Variants in RAPGEF4 observed in about 807,000 individuals in gnomAD.
RAPGEF4 encodes the protein Rap guanine nucleotide exchange factor 4, also known as RAP guanine-nucleotide-exchange factor (GEF) 4.
In RAPGEF4, 66 loss-of-function variants were observed where a neutral mutation model predicts 147.9. The observed-to-expected ratio is 0.45, with a 90% confidence interval of 0.37 to 0.55. The LOEUF is 0.55. RAPGEF4 is among the 20% of genes least tolerant of loss of function. RAPGEF4 has a pLI of 0.00. For synonymous variants in RAPGEF4, 419 were observed against 442.7 expected, an observed-to-expected ratio of 0.95 and a Z score of 0.67; for missense variants, 1,071 against 1,257.3, an observed-to-expected ratio of 0.85 and a Z score of 2.24.
intron 1 of RAPGEF4, among the ~76,000 whole-genome samples, chr2:172,745,968 A>G (rs928771964): frequency 1.3e-5 from 2 of 152,222 alleles, no homozygotes; most frequent in African/African-American, 2.4e-5. Flanking sequence ...TATAATATAC[A>G]GTTTTCAGGT....
At chr2:172,917,955 C>T (rs1444449253) in intron 5 of RAPGEF4, 81 bp downstream of exon 5, 7 of 1,172,784 alleles carry the variant, frequency 6.0e-6, no homozygotes, top group East Asian at 4.7e-5. Context: ...ATATGTCCTA[C>T]ACCAGCTTGT....
At chr2:172,859,254 A>G (rs1193883127) in intron 4 of RAPGEF4, among the ~76,000 whole-genome samples, 3 of 152,230 alleles carry the variant, frequency 2.0e-5, no homozygotes, top group African/African-American at 4.8e-5. Flanking sequence ...AAATGAGAAA[A>G]TAAACCTAAT....
chr2:172,868,293 G>A (rs955827134), intron 4 of RAPGEF4, among the ~76,000 whole-genome samples: 3 of 152,168 alleles, frequency 2.0e-5, no homozygotes, highest in Non-Finnish European at 4.4e-5. Flanking sequence ...AAAGACCTTT[G>A]CTTCAAGGTT....
chr2:172,789,699 G>A (rs192542047), intron 1 of RAPGEF4, among the ~76,000 whole-genome samples: 202 of 152,258 alleles, frequency 1.3e-3, no homozygotes, highest in Middle Eastern at 0.01. Flanking sequence ...AACCTCATAA[G>A]TGGAAATATG....
intron 25 of RAPGEF4, among the ~76,000 whole-genome samples, chr2:173,029,797 G>A (rs781601637): frequency 5.3e-5 from 8 of 152,182 alleles, no homozygotes; most frequent in Non-Finnish European, 1.0e-4. Context: ...CAGGCTAAAG[G>A]TCTAGAAATC....
At chr2:172,775,536 C>A (rs1433497979) in intron 1 of RAPGEF4, among the ~76,000 whole-genome samples, 1 of 152,158 alleles carries the variant, frequency 6.6e-6, no homozygotes, top group Non-Finnish European at 1.5e-5. Flanking sequence ...TGCAGTGAGG[C>A]ATATTGGAAA....
At chr2:172,876,228 A>C (rs1248670289) in intron 4 of RAPGEF4, among the ~76,000 whole-genome samples, 1 of 152,130 alleles carries the variant, frequency 6.6e-6, no homozygotes, top group East Asian at 1.9e-4. Flanking sequence ...TTCCTAATTG[A>C]ATACCCTTTC....
intron 1 of RAPGEF4, among the ~76,000 whole-genome samples, chr2:172,778,224 G>T (rs1684358865): frequency 6.6e-6 from 1 of 152,130 alleles, no homozygotes; most frequent in Non-Finnish European, 1.5e-5. Context: ...ACCTTGATTT[G>T]CTAACTTCTT....
At chr2:172,945,108 G>A (rs937715158) in intron 6 of RAPGEF4, among the ~76,000 whole-genome samples, 4 of 151,998 alleles carry the variant, frequency 2.6e-5, no homozygotes, top group South Asian at 4.1e-4. Context: ...TTAGAATACT[G>A]TTGGCATATC....
chr2:173,021,704 C>T (rs572892225), intron 23 of RAPGEF4, among the ~76,000 whole-genome samples: 66 of 152,290 alleles, frequency 4.3e-4, no homozygotes, highest in African/African-American at 1.5e-3. Context: ...TTGATCAGAT[C>T]AGCTCTTATA....
chr2:172,771,566 G>A (rs944091742), intron 1 of RAPGEF4, among the ~76,000 whole-genome samples: 12 of 151,926 alleles, frequency 7.9e-5, no homozygotes, highest in African/African-American at 2.4e-4. Context: ...TCTGTAATTA[G>A]GAAAAGACAA....
At chr2:172,765,615 G>C (rs1168299775) in intron 1 of RAPGEF4, among the ~76,000 whole-genome samples, 1 of 152,224 alleles carries the variant, frequency 6.6e-6, no homozygotes, top group African/African-American at 2.4e-5. Flanking sequence ...AGTATGTACT[G>C]TGGGATGCTG....
intron 17 of RAPGEF4, 142 bp from the exon 18 acceptor site, chr2:173,014,322 T>C: frequency 3.0e-6 from 3 of 1,005,106 alleles, no homozygotes; most frequent in East Asian, 2.6e-5. Flanking sequence ...TTCTGTGGGG[T>C]TTTTCATGAG....
intron 29 of RAPGEF4, 127 bp downstream of exon 29, chr2:173,036,819 T>A: frequency 1.7e-6 from 1 of 593,460 alleles, no homozygotes; most frequent in Non-Finnish European, 2.9e-6. Flanking sequence ...AAAGGAGTTT[T>A]GAAATATTTG....
intron 1 of RAPGEF4, among the ~76,000 whole-genome samples, chr2:172,783,876 G>A (rs372282522): frequency 6.6e-6 from 1 of 152,090 alleles, no homozygotes; most frequent in East Asian, 1.9e-4. Context: ...CCACAGTGAT[G>A]CACCAAAGTT....
At chr2:172,744,461 A>G (rs761058514) in intron 1 of RAPGEF4, 1 of 455,916 alleles carries the variant, frequency 2.2e-6, no homozygotes, top group Non-Finnish European at 4.4e-6. Context: ...GGTCATCTCT[A>G]GAGAGAAAAT....
chr2:172,932,239 C>T (rs1459332626), intron 6 of RAPGEF4, among the ~76,000 whole-genome samples: 1 of 152,092 alleles, frequency 6.6e-6, no homozygotes, highest in Admixed American at 6.6e-5. Flanking sequence ...CCAAAATAAC[C>T]AGCTCATTCA....
At position 172,777,449 on chromosome 2, in the gene RAPGEF4, A is replaced by G. The variant is rs182534099; in HGVS notation, c.66-17576A>G. Among the ~76,000 whole-genome samples the G allele has an allele frequency of 1.5e-4, 23 of 152,298 alleles. 1 individual carries two copies. In the East Asian group the frequency reaches 3.1e-3, roughly 20 times the overall value. ...ATCAGCCTGTGTACTCTGACTGGTT[A>G]GAAGTGCTGTATCTCTCAGCACTGT... On this transcript the variant is annotated intron_variant, in intron 1 of 30. Coordinates refer to ENST00000397081, the MANE Select transcript of RAPGEF4 (RefSeq NM_007023.4).
At chr2:172,816,572 T>G (rs1253001485) in intron 4 of RAPGEF4, among the ~76,000 whole-genome samples, 1 of 152,238 alleles carries the variant, frequency 6.6e-6, no homozygotes. Flanking sequence ...CTTTTAGGAC[T>G]GTTTTCCACA....
Sources: allele counts gnomAD v4.1 joint callset (sites outside exome capture counted in the v4.1 genomes callset), GRCh38; gene constraint gnomAD v4.1.1; transcripts MANE v1.5; gene names NCBI Gene and HGNC (gene_info 2026-07-23, HGNC 2026-07-21).